TJP1: variants seen among roughly 807,000 people sequenced by gnomAD.
TJP1 encodes the protein tight junction protein 1, also known as tight junction protein ZO-1.
Under a neutral mutation model 194.2 loss-of-function variants are expected in TJP1, and 43 were observed. That is an observed-to-expected ratio of 0.22 (90% CI 0.17 to 0.29). TJP1 has a LOEUF of 0.29. TJP1 is among the 10% of genes least tolerant of loss of function. TJP1 has a pLI of 1.00. For synonymous variants in TJP1, 801 were observed against 779.0 expected (o/e 1.03, Z -0.47); for missense variants, 1,971 against 2,185.7 (o/e 0.90, Z 1.96).
chr15:29,911,160 T>A (rs939511625), intron 2 of TJP1, among the ~76,000 whole-genome samples: 1 of 152,200 alleles, frequency 6.6e-6, no homozygotes, highest in East Asian at 1.9e-4. Flanking sequence ...TGCAGTCATG[T>A]CAGCAGTTGC....
intron 2 of TJP1, among the ~76,000 whole-genome samples, chr15:29,914,282 T>C (rs2054114512): frequency 6.6e-6 from 1 of 152,164 alleles, no homozygotes; most frequent in Non-Finnish European, 1.5e-5. Flanking sequence ...TGGTAAACAT[T>C]TGCTTATTAA....
intron 1 of TJP1, among the ~76,000 whole-genome samples, chr15:29,960,801 C>T (rs185402625): frequency 1.7e-4 from 26 of 152,106 alleles, no homozygotes; most frequent in African/African-American, 5.8e-4. Context: ...AAGCTTTGAC[C>T]AGATCTTTGG....
At chr15:29,909,637 A>G (rs2053952433) in intron 2 of TJP1, among the ~76,000 whole-genome samples, 1 of 152,098 alleles carries the variant, frequency 6.6e-6, no homozygotes, top group Admixed American at 6.6e-5. Context: ...CAGCACCTAC[A>G]GGAGAAAGAC....
At chr15:29,752,143 C>T (rs2045331518) in intron 8 of TJP1, among the ~76,000 whole-genome samples, 1 of 151,860 alleles carries the variant, frequency 6.6e-6, no homozygotes, top group African/African-American at 2.4e-5. Context: ...CGCTCTGTCA[C>T]CCAGGCTGGA....
At chr15:29,793,549 C>T (rs1014885236) in intron 2 of TJP1, among the ~76,000 whole-genome samples, 7 of 152,148 alleles carry the variant, frequency 4.6e-5, no homozygotes, top group African/African-American at 1.7e-4. Context: ...TCTGGTGAGG[C>T]CTCAGGAAAT....
intron 2 of TJP1, among the ~76,000 whole-genome samples, chr15:29,871,201 T>C (rs2052506001): frequency 6.6e-6 from 1 of 152,182 alleles, no homozygotes. Flanking sequence ...TTTTGGGATA[T>C]TACCCACACA....
At chr15:29,737,848 G>A (rs902294133) in intron 10 of TJP1, among the ~76,000 whole-genome samples, 2 of 152,000 alleles carry the variant, frequency 1.3e-5, no homozygotes, top group East Asian at 1.9e-4. Context: ...TTCCTAACAC[G>A]ATGGACTCAA....
chr15:29,833,287 T>C (rs1192220401), intron 2 of TJP1, among the ~76,000 whole-genome samples: 1 of 152,190 alleles, frequency 6.6e-6, no homozygotes, highest in Non-Finnish European at 1.5e-5. Context: ...ATAATATACG[T>C]ATAAGGATTG....
chr15:29,931,469 C>T (rs2054711485), intron 2 of TJP1, among the ~76,000 whole-genome samples: 1 of 152,196 alleles, frequency 6.6e-6, no homozygotes, highest in African/African-American at 2.4e-5. Flanking sequence ...GAGATGTACT[C>T]TATTCACATA....
At chr15:29,740,204 T>G (rs1397539080) in intron 10 of TJP1, among the ~76,000 whole-genome samples, 3 of 152,172 alleles carry the variant, frequency 2.0e-5, no homozygotes, top group Admixed American at 2.0e-4. Flanking sequence ...CTTGATCTCC[T>G]GACCTCGTGA....
At chr15:29,821,053 T>C (rs1257082330) in intron 1 of TJP1, among the ~76,000 whole-genome samples, 1 of 152,226 alleles carries the variant, frequency 6.6e-6, no homozygotes, top group African/African-American at 2.4e-5. Flanking sequence ...TTGATATTCT[T>C]TAAAGGGGAG....
intron 2 of TJP1, among the ~76,000 whole-genome samples, chr15:29,923,902 C>T (rs1474424352): frequency 1.3e-5 from 2 of 152,210 alleles, no homozygotes; most frequent in African/African-American, 4.8e-5. Context: ...CTCATGCTTA[C>T]AGCTAAACAT....
At position 29,716,702 on chromosome 15, in the gene TJP1, G is replaced by A; in HGVS notation, c.4111C>T (p.Pro1371Ser). The A allele has an allele frequency of 6.2e-7, 1 of 1,614,102 alleles. No homozygotes were observed. The highest frequency in any genetic ancestry group is 8.5e-7 in the Non-Finnish European group (1 of 1,180,014). Residue 1371 changes from proline to serine, a missense_variant, in exon 23 of 28, where the codon CCT (proline) becomes TCT (serine). Pro to Ser is a moderately conservative substitution (Grantham distance 74). Around this residue, in one of 5 missense-constraint regions of TJP1, gnomAD observed 1,108 missense variants for 1,128.5 expected, o/e 0.98. Coordinates refer to ENST00000614355, the MANE Select transcript of TJP1 (RefSeq NM_001330239.4). ...YFDRRSFENK[P>S]PAHIAASHLS... Reference sequence around the variant, plus strand: ...TGGCTGGCGGCAATGTGTGCAGGAGGCTTATTCTCAAAACTTCTTCGGTCA... The same window carrying A: ...TGGCTGGCGGCAATGTGTGCAGGAGACTTATTCTCAAAACTTCTTCGGTCA...
At chr15:29,747,904 A>T (rs2044917151) in intron 8 of TJP1, among the ~76,000 whole-genome samples, 1 of 152,246 alleles carries the variant, frequency 6.6e-6, no homozygotes. Context: ...TGATACAATC[A>T]TTATAACATT....
intron 9 of TJP1, 45 bp downstream of exon 9, chr15:29,742,597 T>C: frequency 6.7e-7 from 1 of 1,494,772 alleles, no homozygotes; most frequent in Non-Finnish European, 8.9e-7. Context: ...ATTACTTCAC[T>C]CTACTTGCAA....
At chr15:29,907,851 C>T (rs79150748) in intron 2 of TJP1, among the ~76,000 whole-genome samples, 48 of 151,510 alleles carry the variant, frequency 3.2e-4, no homozygotes, top group Middle Eastern at 6.8e-3. Flanking sequence ...TGTTGAACAC[C>T]GCCTAATTCC....
At chr15:29,951,480 A>G (rs758262311) in intron 2 of TJP1, among the ~76,000 whole-genome samples, 50 of 152,216 alleles carry the variant, frequency 3.3e-4, no homozygotes, top group Non-Finnish European at 5.7e-4. Context: ...ATGCTTTTTT[A>G]TATCAGGAGA....
At chr15:29,772,650 T>C (rs1295094094) in intron 3 of TJP1, among the ~76,000 whole-genome samples, 6 of 152,242 alleles carry the variant, frequency 3.9e-5, no homozygotes, top group Admixed American at 3.9e-4. Context: ...AGGAGGCTTC[T>C]GAAGGCTAGA....
intron 2 of TJP1, among the ~76,000 whole-genome samples, chr15:29,926,820 T>C (rs1310155039): frequency 6.6e-6 from 1 of 152,208 alleles, no homozygotes; most frequent in Non-Finnish European, 1.5e-5. Flanking sequence ...GTCTTCACTT[T>C]GGTGTCTTCT....
Sources: allele counts gnomAD v4.1 joint callset (sites outside exome capture counted in the v4.1 genomes callset), GRCh38; gene constraint gnomAD v4.1.1; regional missense constraint gnomAD v4.1.1; transcripts MANE v1.5; gene names NCBI Gene and HGNC (gene_info 2026-07-23, HGNC 2026-07-21).